Variants in HS3ST4 observed in about 807,000 individuals in gnomAD.
The protein encoded by HS3ST4 is heparan sulfate-glucosamine 3-sulfotransferase 4.
In HS3ST4, 17 loss-of-function variants were observed where a neutral mutation model predicts 29.2. The observed-to-expected ratio is 0.58, with a 90% CI of 0.40 to 0.87. The LOEUF is 0.87. HS3ST4 is among the 40% of genes least tolerant of loss of function. The pLI, the probability that HS3ST4 is intolerant of heterozygous loss-of-function variation, is 0.00. For synonymous variants in HS3ST4, 314 were observed against 285.7 expected, an observed-to-expected ratio of 1.10 and a Z score of -1.00; for missense variants, 627 against 634.5, an observed-to-expected ratio of 0.99 and a Z score of 0.13.
chr16:25,907,606 C>T (rs1968191969), intron 1 of HS3ST4, among the ~76,000 whole-genome samples: 2 of 152,190 alleles, frequency 1.3e-5, no homozygotes, highest in Admixed American at 6.5e-5. Flanking sequence ...GTCAAAGGGG[C>T]AGCTCAGAGA....
intron 1 of HS3ST4, among the ~76,000 whole-genome samples, chr16:25,851,138 C>T (rs35819969): frequency 0.11 from 16,047 of 152,202 alleles, 1,064 homozygotes; most frequent in Middle Eastern, 0.17. Context: ...TAGTGCTGGA[C>T]GTTCCCATGT....
At chr16:25,872,564 G>GTC (rs1490046842) in intron 1 of HS3ST4, among the ~76,000 whole-genome samples, 1 of 151,530 alleles carries the variant, frequency 6.6e-6, no homozygotes. Flanking sequence ...TCGCCCATGT[G>GTC]TCTCTCAGTG....
chr16:25,840,437 G>T (rs1436235022), intron 1 of HS3ST4, among the ~76,000 whole-genome samples: 12 of 152,122 alleles, frequency 7.9e-5, no homozygotes, highest in Non-Finnish European at 1.5e-5. Context: ...GTTTCAATAG[G>T]TTAAGTTAAA....
At chr16:25,905,866 T>A (rs1968174422) in intron 1 of HS3ST4, among the ~76,000 whole-genome samples, 1 of 152,170 alleles carries the variant, frequency 6.6e-6, no homozygotes. Context: ...CACGCATGTA[T>A]CTTTGCGCAT....
chr16:26,061,765 G>A (rs2141771344), intron 1 of HS3ST4, among the ~76,000 whole-genome samples: 1 of 152,238 alleles, frequency 6.6e-6, no homozygotes, highest in African/African-American at 2.4e-5. Flanking sequence ...TCATCTCAGG[G>A]CTCAGATATC....
chr16:25,707,091 C>A (rs1966380558), intron 1 of HS3ST4, among the ~76,000 whole-genome samples: 1 of 152,186 alleles, frequency 6.6e-6, no homozygotes, highest in African/African-American at 2.4e-5. Context: ...CACTCAGCAG[C>A]TGTCTTGGTT....
Position 25,922,877 on chromosome 16 carries a change from A to C in HS3ST4, c.735-212735A>C, listed in dbSNP as rs1260785469. ...CCTTTAAGAACCGTTGCCATATTGA[A>C]TGCCTTTCCTTGGGCTGTGCGTCTC... On this transcript the variant is annotated intron_variant, in intron 1 of 1. Transcript: ENST00000331351. Among the ~76,000 whole-genome samples, 4 of 152,208 alleles carry C rather than the reference A, an allele frequency of 2.6e-5. No individual in the cohort carries two copies. In the East Asian group the frequency reaches 7.7e-4, roughly 29 times the overall value.
At chr16:26,078,395 G>A (rs767606105) in intron 1 of HS3ST4, among the ~76,000 whole-genome samples, 1 of 152,126 alleles carries the variant, frequency 6.6e-6, no homozygotes, top group Non-Finnish European at 1.5e-5. Context: ...TGATTCAGCC[G>A]CTTCGGCCTC....
chr16:25,853,350 A>G (rs1277347890), intron 1 of HS3ST4, among the ~76,000 whole-genome samples: 1 of 151,784 alleles, frequency 6.6e-6, no homozygotes, highest in Non-Finnish European at 1.5e-5. Context: ...AAACAGAGAC[A>G]ATTTAACTTC....
chr16:25,812,283 C>G (rs998504275), intron 1 of HS3ST4, among the ~76,000 whole-genome samples: 1 of 152,184 alleles, frequency 6.6e-6, no homozygotes, highest in Non-Finnish European at 1.5e-5. Context: ...TCACCTACAT[C>G]CCTAGCCTCA....
At chr16:26,016,310 G>T (rs1969361979) in intron 1 of HS3ST4, among the ~76,000 whole-genome samples, 1 of 152,174 alleles carries the variant, frequency 6.6e-6, no homozygotes, top group Non-Finnish European at 1.5e-5. Context: ...GTCTAGGTCA[G>T]AGTAACTCAT....
intron 1 of HS3ST4, among the ~76,000 whole-genome samples, chr16:25,709,388 C>T (rs1304555566): frequency 1.3e-5 from 2 of 152,034 alleles, no homozygotes; most frequent in African/African-American, 4.8e-5. Flanking sequence ...CTCCCTGGAG[C>T]CTAGGGAGGA....
rs372075382 is a variant in HS3ST4 at position 25,956,592 on chromosome 16, A to T, written c.735-179020A>T. On this transcript the variant is annotated intron_variant, in intron 1 of 1. Transcript: ENST00000331351. ...CTCCTCCAAAAGATGTGTAGATTTG[A>T]TAAATGAATTCAGTAAAGTCTAATG... is the stretch of plus-strand genomic sequence containing the variant. 1.5e-4 allele frequency among the ~76,000 whole-genome samples: 23 copies of T among 151,498 alleles called. No individual in the cohort carries two copies. In the South Asian group the frequency reaches 4.4e-3, roughly 29 times the overall value.
chr16:26,105,852 A>T (rs186390874), intron 1 of HS3ST4, among the ~76,000 whole-genome samples: 1 of 152,288 alleles, frequency 6.6e-6, no homozygotes, highest in East Asian at 1.9e-4. Context: ...CACATATCGA[A>T]TTGCCTCTGT....
In HS3ST4 at chr16:26,135,807, C is replaced by T. The variant is rs762766141; in HGVS notation, c.930C>T (p.Thr310=). The change falls in exon 2 of 2, where the codon ACC becomes ACT. Residue 310 remains threonine (T), a synonymous_variant. Transcript: ENST00000331351. ...QTLSKKPEIP[T]FEVLAFKNRT... ...TGTCAAAGAAACCCGAGATCCCCACCTTTGAGGTGCTGGCCTTCAAAAACC... is the reference window on the plus strand; with the variant it reads ...TGTCAAAGAAACCCGAGATCCCCACTTTTGAGGTGCTGGCCTTCAAAAACC... 2 of 1,614,082 alleles carry T rather than the reference C, an allele frequency of 1.2e-6. No homozygotes were observed. Among genetic ancestry groups the T allele is most frequent in the Non-Finnish European group, 1.7e-6 (2 of 1,179,934 alleles).
At chr16:25,755,432 G>T (rs1473431811) in intron 1 of HS3ST4, among the ~76,000 whole-genome samples, 1 of 152,154 alleles carries the variant, frequency 6.6e-6, no homozygotes, top group Non-Finnish European at 1.5e-5. Context: ...CATGCCCAAA[G>T]ACCCAGATTT....
chr16:25,740,725 T>G (rs1966646081), intron 1 of HS3ST4, among the ~76,000 whole-genome samples: 3 of 152,170 alleles, frequency 2.0e-5, no homozygotes, highest in Admixed American at 2.0e-4. Flanking sequence ...GTTATCACAA[T>G]CCCTGATACT....
At chr16:26,060,287 A>G (rs1898459849) in intron 1 of HS3ST4, among the ~76,000 whole-genome samples, 1 of 152,170 alleles carries the variant, frequency 6.6e-6, no homozygotes, top group African/African-American at 2.4e-5. Context: ...TTGTCCTTTT[A>G]TTGGAGTCTT....
chr16:26,004,125 A>C (rs1009033937), intron 1 of HS3ST4, among the ~76,000 whole-genome samples: 2 of 152,170 alleles, frequency 1.3e-5, no homozygotes, highest in African/African-American at 4.8e-5. Flanking sequence ...GCACGTGTTC[A>C]TGCCACCTTG....
Sources: allele counts gnomAD v4.1 joint callset (sites outside exome capture counted in the v4.1 genomes callset), GRCh38; gene constraint gnomAD v4.1.1; transcripts MANE v1.5; gene names NCBI Gene and HGNC (gene_info 2026-07-23, HGNC 2026-07-21).